The following SEMA6D variants were observed in gnomAD, a reference collection of about 807,000 sequenced individuals.
SEMA6D encodes semaphorin 6D, also known as semaphorin-6D.
SEMA6D carries 35 observed loss-of-function variants against 106.6 expected under a neutral mutation model. That is an observed-to-expected ratio of 0.33 (90% CI 0.25 to 0.44). The LOEUF is 0.44. SEMA6D is among the 20% of genes least tolerant of loss of function. The pLI, the probability that SEMA6D is intolerant of heterozygous loss-of-function variation, is 1.00. For missense variants in SEMA6D, 1,185 were observed against 1,345.9 expected, an observed-to-expected ratio of 0.88 and a Z score of 1.87; for synonymous variants, 499 against 487.7, an observed-to-expected ratio of 1.02 and a Z score of -0.31.
chr15:47,318,874 A>G (rs2036804980), intron 1 of SEMA6D, among the ~76,000 whole-genome samples: 1 of 151,168 alleles, frequency 6.6e-6, no homozygotes, highest in South Asian at 2.1e-4. Flanking sequence ...ACTAGTTTAC[A>G]GTCCCACCAA....
At chr15:47,443,057 T>C (rs1323259633) in intron 2 of SEMA6D, among the ~76,000 whole-genome samples, 1 of 152,150 alleles carries the variant, frequency 6.6e-6, no homozygotes, top group Non-Finnish European at 1.5e-5. Context: ...AAATTAGCCT[T>C]CTGCCAGTGA....
intron 3 of SEMA6D, among the ~76,000 whole-genome samples, chr15:47,491,803 A>T (rs2043484828): frequency 6.6e-6 from 1 of 152,196 alleles, no homozygotes; most frequent in Non-Finnish European, 1.5e-5. Context: ...CATTCTATGT[A>T]ATTCATCTTC....
intron 2 of SEMA6D, among the ~76,000 whole-genome samples, chr15:47,441,619 AGTTTTCT>A (rs2041886291): frequency 6.6e-6 from 1 of 152,172 alleles, no homozygotes; most frequent in South Asian, 2.1e-4. Flanking sequence ...AGCAGATCCC[AGTTTTCT>A]GAGAAGAACT....
chr15:47,395,046 G>C (rs952005871), intron 1 of SEMA6D, among the ~76,000 whole-genome samples: 3 of 151,974 alleles, frequency 2.0e-5, no homozygotes, highest in African/African-American at 7.2e-5. Flanking sequence ...TTCCTGGACA[G>C]TTTTAAAAAC....
At chr15:47,344,730 G>A (rs1312368553) in intron 1 of SEMA6D, among the ~76,000 whole-genome samples, 1 of 152,090 alleles carries the variant, frequency 6.6e-6, no homozygotes, top group Non-Finnish European at 1.5e-5. Flanking sequence ...AGCAAAATAT[G>A]GCAAGAAGAA....
At chr15:47,651,089 T>G (rs2077680542) in intron 4 of SEMA6D, among the ~76,000 whole-genome samples, 1 of 152,172 alleles carries the variant, frequency 6.6e-6, no homozygotes, top group Non-Finnish European at 1.5e-5. Context: ...CCTTTTCTCT[T>G]ACTGAATCCT....
chr15:47,324,729 T>C (rs1566998850), intron 1 of SEMA6D, among the ~76,000 whole-genome samples: 1 of 151,032 alleles, frequency 6.6e-6, no homozygotes, highest in Non-Finnish European at 1.5e-5. Context: ...TATATATGCA[T>C]ATGAATGTGT....
At chr15:47,298,742 C>G (rs2035903380) in intron 1 of SEMA6D, among the ~76,000 whole-genome samples, 2 of 152,142 alleles carry the variant, frequency 1.3e-5, no homozygotes, top group Admixed American at 1.3e-4. Flanking sequence ...TCCTTAGCTC[C>G]TTCTGCAATA....
At chr15:47,216,265 A>G (rs1234705325) in intron 1 of SEMA6D, among the ~76,000 whole-genome samples, 1 of 152,178 alleles carries the variant, frequency 6.6e-6, no homozygotes, top group African/African-American at 2.4e-5. Context: ...TTTATTTACT[A>G]ATTATTTGTT....
chr15:47,432,496 A>G (rs1049869707), intron 2 of SEMA6D, among the ~76,000 whole-genome samples: 7 of 107,210 alleles, frequency 6.5e-5, no homozygotes, highest in African/African-American at 2.3e-4. Context: ...ATATATATAT[A>G]TACACACACA....
rs148254118 is a variant in SEMA6D at position 47,593,963 on chromosome 15, A to G, written c.-86-6902A>G. Among the ~76,000 whole-genome samples the G allele has an allele frequency of 1.4e-4, 22 of 152,314 alleles. No individual in the cohort carries two copies. The East Asian group carries it at 4.2e-3, about 29-fold the overall frequency. ...GCTAGTCAGCTCCCGCCAGACCCCC[A>G]TCTCCAACATTGGGGATTACAATTC... On this transcript the variant is annotated intron_variant, in intron 3 of 19. Coordinates refer to the SEMA6D transcript ENST00000558014.
intron 2 of SEMA6D, among the ~76,000 whole-genome samples, chr15:47,467,247 GA>G (rs1320961910): frequency 6.6e-6 from 1 of 152,124 alleles, no homozygotes; most frequent in African/African-American, 2.4e-5. Flanking sequence ...GATCATTTTA[GA>G]AGTGATATGC....
intron 1 of SEMA6D, among the ~76,000 whole-genome samples, chr15:47,227,210 A>G (rs1046445575): frequency 6.6e-6 from 1 of 152,106 alleles, no homozygotes; most frequent in African/African-American, 2.4e-5. Context: ...TATCAAGGAA[A>G]CAGCTACATA....
intron 2 of SEMA6D, among the ~76,000 whole-genome samples, chr15:47,437,175 C>T (rs1308140497): frequency 6.6e-6 from 1 of 151,968 alleles, no homozygotes; most frequent in Non-Finnish European, 1.5e-5. Flanking sequence ...TTCCTTTAGT[C>T]AAATATCTCC....
At chr15:47,669,120 T>TC (rs1214169362) in intron 4 of SEMA6D, among the ~76,000 whole-genome samples, 1 of 152,132 alleles carries the variant, frequency 6.6e-6, no homozygotes, top group East Asian at 1.9e-4. Flanking sequence ...GGCAGAGCCA[T>TC]CAGGCCATTT....
intron 3 of SEMA6D, among the ~76,000 whole-genome samples, chr15:47,593,445 G>A (rs1256947576): frequency 1.4e-4 from 19 of 137,984 alleles, no homozygotes; most frequent in East Asian, 8.6e-4. Flanking sequence ...ATTCTATACC[G>A]TCAATCCAAA....
At chr15:47,691,849 T>A (rs1260033511) in intron 4 of SEMA6D, among the ~76,000 whole-genome samples, 1 of 144,516 alleles carries the variant, frequency 6.9e-6, no homozygotes, top group African/African-American at 2.6e-5. Context: ...GAAAAGACAG[T>A]AAAAAAAAAA....
At chr15:47,624,549 A>G (rs2077168683) in intron 4 of SEMA6D, among the ~76,000 whole-genome samples, 1 of 152,230 alleles carries the variant, frequency 6.6e-6, no homozygotes, top group South Asian at 2.1e-4. Context: ...AAGATTAGAA[A>G]ATGATTTCAT....
intron 1 of SEMA6D, among the ~76,000 whole-genome samples, chr15:47,720,624 G>A (rs890557817): frequency 1.3e-5 from 2 of 152,098 alleles, no homozygotes; most frequent in Non-Finnish European, 2.9e-5. Context: ...CATCAATGTC[G>A]TGGTTTCTGT....
Sources: allele counts gnomAD v4.1 joint callset (sites outside exome capture counted in the v4.1 genomes callset), GRCh38; gene constraint gnomAD v4.1.1; transcripts MANE v1.5; gene names NCBI Gene and HGNC (gene_info 2026-07-23, HGNC 2026-07-21).